Variants in SCN11A observed in about 807,000 individuals in gnomAD.
The protein encoded by SCN11A is sodium channel protein type 11 subunit alpha.
In SCN11A, 122 loss-of-function variants were observed where a neutral mutation model predicts 162.2. That is an observed-to-expected ratio of 0.75 (90% CI 0.65 to 0.87). The LOEUF is 0.87. SCN11A is among the 40% of genes least tolerant of loss of function. The probability of loss-of-function intolerance (pLI) is 0.00; values close to 1 mark genes in which losing one functional copy is unlikely to be tolerated. For synonymous variants in SCN11A, 758 were observed against 751.5 expected (o/e 1.01, Z -0.14); for missense variants, 2,015 against 2,181.6 (o/e 0.92, Z 1.52).
chr3:39,010,058 G>A (rs2031082633), intron 2 of SCN11A, among the ~76,000 whole-genome samples: 1 of 152,052 alleles, frequency 6.6e-6, no homozygotes, highest in South Asian at 2.1e-4. Context: ...ATATTAGATA[G>A]TAGGGGCAAG....
chr3:38,944,451 C>T (rs527713035), intron 7 of SCN11A, among the ~76,000 whole-genome samples: 41 of 151,730 alleles, frequency 2.7e-4, no homozygotes, highest in Non-Finnish European at 4.6e-4. Context: ...CTCAGCCTCC[C>T]GAGTAGCTGG....
At chr3:38,987,252 C>T (rs1486533967) in intron 2 of SCN11A, among the ~76,000 whole-genome samples, 1 of 150,796 alleles carries the variant, frequency 6.6e-6, no homozygotes, top group African/African-American at 2.5e-5. Flanking sequence ...TTTCTTCTTC[C>T]TCCCTTTCTC....
At chr3:38,849,005 C>T (rs1046719914) in intron 29 of SCN11A, among the ~76,000 whole-genome samples, 2 of 152,134 alleles carry the variant, frequency 1.3e-5, no homozygotes, top group East Asian at 3.8e-4. Context: ...TTAATCCTAC[C>T]GCTGAGTATT....
intron 2 of SCN11A, among the ~76,000 whole-genome samples, chr3:39,003,149 T>C (rs550189877): frequency 6.6e-6 from 1 of 152,310 alleles, no homozygotes; most frequent in East Asian, 1.9e-4. Flanking sequence ...CAGTACCGAA[T>C]AGCTATCATT....
intron 11 of SCN11A, among the ~76,000 whole-genome samples, chr3:38,916,596 C>T (rs556425471): frequency 7.2e-5 from 11 of 152,188 alleles, no homozygotes; most frequent in African/African-American, 1.2e-4. Context: ...TGAGCTATCA[C>T]GTCCTTCATG....
intron 11 of SCN11A, among the ~76,000 whole-genome samples, chr3:38,913,113 T>A (rs1442178050): frequency 6.6e-6 from 1 of 152,188 alleles, no homozygotes; most frequent in East Asian, 1.9e-4. Context: ...ACAGTGTATG[T>A]GTTCCCTTTT....
At chr3:39,027,620 C>A (rs1417224558) in intron 2 of SCN11A, among the ~76,000 whole-genome samples, 2 of 152,166 alleles carry the variant, frequency 1.3e-5, no homozygotes, top group African/African-American at 4.8e-5. Flanking sequence ...CTATCACTGC[C>A]CCTATCCCTT....
chr3:39,043,916 T>C (rs567411353), intron 1 of SCN11A, among the ~76,000 whole-genome samples: 1 of 152,274 alleles, frequency 6.6e-6, no homozygotes, highest in African/African-American at 2.4e-5. Flanking sequence ...TTCCATGATG[T>C]GATTACCATG....
chr3:38,928,431 A>G (rs1365086313), intron 7 of SCN11A, among the ~76,000 whole-genome samples: 1 of 152,200 alleles, frequency 6.6e-6, no homozygotes, highest in African/African-American at 2.4e-5. Flanking sequence ...TGTGGGGCTT[A>G]AAACCTAGAT....
At chr3:38,996,484 C>G (rs903312684) in intron 2 of SCN11A, among the ~76,000 whole-genome samples, 5 of 152,144 alleles carry the variant, frequency 3.3e-5, no homozygotes, top group African/African-American at 7.2e-5. Flanking sequence ...TTCCAGGAAG[C>G]ATTTTTCTAA....
At chr3:38,964,128 G>C (rs912582537) in intron 2 of SCN11A, among the ~76,000 whole-genome samples, 2 of 152,192 alleles carry the variant, frequency 1.3e-5, no homozygotes, top group Admixed American at 6.5e-5. Flanking sequence ...ACCTGTGCTG[G>C]GTCCACATTG....
chr3:38,954,057 A>G (rs531694864), intron 3 of SCN11A, among the ~76,000 whole-genome samples: 2 of 152,294 alleles, frequency 1.3e-5, no homozygotes, highest in African/African-American at 4.8e-5. Flanking sequence ...CAAGTATACT[A>G]TGATTAGGGC....
At position 38,903,994 on chromosome 3, in the gene SCN11A, T is replaced by C; in HGVS notation, c.1713A>G (p.Arg571=). Residue 571 remains arginine (R), a synonymous_variant, in exon 16 of 30, where the codon AGA becomes AGG. Transcript: ENST00000302328. ...CAGTAAACGGGTCAGTCATCACAGTTCTCAGGACCTTCTTAACGCACAGCC... is the reference window on the plus strand; with the variant it reads ...CAGTAAACGGGTCAGTCATCACAGTCCTCAGGACCTTCTTAACGCACAGCC... ...PQWLCVKKVL[R]TVMTDPFTEL... is the part of the protein sequence containing the mutation. 6.2e-7 allele frequency: 1 copy of C among 1,613,894 alleles called. No individual in the cohort carries two copies. The highest frequency in any genetic ancestry group is 8.5e-7 in the Non-Finnish European group (1 of 1,179,908).
rs762166530 is a variant in SCN11A at position 38,909,018 on chromosome 3, C to A, written c.1278G>T (p.Gln426His). 4.3e-6 allele frequency: 7 copies of A among 1,613,602 alleles called. No homozygotes were observed. The highest frequency in any genetic ancestry group is 5.9e-6 in the Non-Finnish European group (7 of 1,179,860). ...CTACCTCCTTTTCCTCCTTTAACAG[C>A]TGCTGGGCTTCCTGAAACATCTTTT... ...AKEKMFQEAQ[Q>H]LLKEEKEALV... The change falls in exon 13 of 30, where the codon CAG (glutamine) becomes CAT (histidine). Residue 426 changes from glutamine to histidine, a missense_variant. By Grantham distance (24) the Gln-to-His change is conservative. Coordinates refer to ENST00000302328, the MANE Select transcript of SCN11A (RefSeq NM_001349253.2).
At chr3:38,851,919 A>G (rs1162572036) in intron 28 of SCN11A, among the ~76,000 whole-genome samples, 1 of 152,148 alleles carries the variant, frequency 6.6e-6, no homozygotes, top group African/African-American at 2.4e-5. Context: ...GAAAGTTAAG[A>G]CTGAGAATAT....
chr3:38,963,561 T>C (rs1469920193), intron 2 of SCN11A, among the ~76,000 whole-genome samples: 1 of 150,724 alleles, frequency 6.6e-6, no homozygotes, highest in Non-Finnish European at 1.5e-5. Context: ...AAGGAATGAA[T>C]TAACAGCTTT....
intron 1 of SCN11A, among the ~76,000 whole-genome samples, chr3:39,039,930 T>G (rs1228501375): frequency 6.6e-6 from 1 of 152,228 alleles, no homozygotes; most frequent in Non-Finnish European, 1.5e-5. Context: ...ATATAGCATG[T>G]GTACATGTCC....
intron 11 of SCN11A, among the ~76,000 whole-genome samples, chr3:38,911,954 T>TCAGATG (rs1230561175): frequency 6.6e-6 from 1 of 152,162 alleles, no homozygotes; most frequent in East Asian, 1.9e-4. Context: ...AAGATTTTCT[T>TCAGATG]CAGATGCCTG....
rs543380364 is a variant in SCN11A at position 38,956,981 on chromosome 3, GGGA to G, written c.-138-3225_-138-3223del. ...GATAACAAAAACTGGAAGAATCATG[GGGA>G]GCCCAGAAGGATTACCATCAATAAG... On this transcript the variant is annotated intron_variant, in intron 3 of 29. Coordinates refer to ENST00000302328, the MANE Select transcript of SCN11A (RefSeq NM_001349253.2). 2.4e-4 allele frequency among the ~76,000 whole-genome samples: 37 copies of G among 152,124 alleles called. 1 individual carries two copies. In the South Asian group the frequency reaches 7.7e-3, roughly 32 times the overall value.
Sources: allele counts gnomAD v4.1 joint callset (sites outside exome capture counted in the v4.1 genomes callset), GRCh38; gene constraint gnomAD v4.1.1; transcripts MANE v1.5; gene names NCBI Gene and HGNC (gene_info 2026-07-23, HGNC 2026-07-21).